ACSBG1: variants seen among roughly 807,000 people sequenced by gnomAD.
The protein encoded by ACSBG1 is acyl-CoA synthetase bubblegum family member 1.
Under a neutral mutation model 80.2 loss-of-function variants are expected in ACSBG1, and 39 were observed. The observed-to-expected ratio is 0.49, with a 90% CI of 0.38 to 0.64. The LOEUF (loss-of-function observed/expected upper bound fraction) is 0.64. Ranked by LOEUF, ACSBG1 falls within the 30% of genes least tolerant of loss-of-function variation. The probability of loss-of-function intolerance (pLI) is 0.00; values close to 1 mark genes in which losing one functional copy is unlikely to be tolerated. For synonymous variants in ACSBG1, 392 were observed against 379.5 expected (o/e 1.03, Z -0.38); for missense variants, 828 against 966.4 (o/e 0.86, Z 1.90).
intron 2 of ACSBG1, among the ~76,000 whole-genome samples, chr15:78,205,852 C>A (rs966284489): frequency 1.3e-5 from 2 of 152,188 alleles, no homozygotes; most frequent in African/African-American, 4.8e-5. Flanking sequence ...CCCTCCCAAT[C>A]TGTGCCAGCC....
At position 78,178,998 on chromosome 15, in the gene ACSBG1, G is replaced by A. The variant is rs2074913200; in HGVS notation, c.1485-167C>T. On this transcript the variant is annotated intron_variant, in intron 10 of 13. Coordinates refer to ENST00000258873, the MANE Select transcript of ACSBG1 (RefSeq NM_015162.5). This position sits in a 1 kb window ranked among gnomAD's most constrained non-coding sequence, Gnocchi z 4.3. ...ACTTACAGCTGAAAGGTAGAGCCAA[G>A]TAAAGGGTTTTAGGGAATGAAGGAA... 9.1e-6 allele frequency: 6 copies of A among 657,062 alleles called. No individual in the cohort carries two copies. Among genetic ancestry groups the A allele is most frequent in the Non-Finnish European group, 1.5e-5 (6 of 390,902 alleles). 40.7% of individuals were successfully genotyped at this position (657,062 alleles called of 1,614,324 possible). A position where few individuals can be genotyped will look rare whatever the true frequency, so the allele number is the denominator to read the frequency against.
At chr15:78,192,887 G>T (rs867474897) in intron 5 of ACSBG1, among the ~76,000 whole-genome samples, 29 of 152,286 alleles carry the variant, frequency 1.9e-4, no homozygotes, top group Middle Eastern at 3.4e-3. Context: ...GTTGGGTTCA[G>T]CTGGGACAGA....
At chr15:78,228,420 T>C (rs1201981318) in intron 1 of ACSBG1, among the ~76,000 whole-genome samples, 1 of 152,208 alleles carries the variant, frequency 6.6e-6, no homozygotes, top group Non-Finnish European at 1.5e-5. Flanking sequence ...TGGGTTGGAC[T>C]TAGTGACCTA....
At chr15:78,225,737 C>G (rs1374925149) in intron 1 of ACSBG1, among the ~76,000 whole-genome samples, 2 of 152,002 alleles carry the variant, frequency 1.3e-5, no homozygotes, top group Non-Finnish European at 2.9e-5. Context: ...TATTAGGAAT[C>G]TATTATTATG....
Position 78,179,672 on chromosome 15 carries a change from G to A in ACSBG1, c.1362C>T (p.Pro454=), listed in dbSNP as rs764920555. The change falls in exon 10 of 14, where the codon CCC becomes CCT. Residue 454 remains proline (P), a synonymous_variant. Coordinates refer to ENST00000258873, the MANE Select transcript of ACSBG1 (RefSeq NM_015162.5). Reference sequence around the variant, plus strand: ...AGAAGTGCTGTGTCTCTGCCATCATGGGGGCCGCTCCATAGAAGTTCTTTT... The same window carrying A: ...AGAAGTGCTGTGTCTCTGCCATCATAGGGGCCGCTCCATAGAAGTTCTTTT... ...KCQKNFYGAA[P]MMAETQHFFL... 1.2e-6 allele frequency: 2 copies of A among 1,614,172 alleles called. No homozygotes were observed. Among genetic ancestry groups the A allele is most frequent in the Non-Finnish European group, 1.7e-6 (2 of 1,179,986 alleles).
chr15:78,201,722 G>C (rs1274294704), intron 2 of ACSBG1, among the ~76,000 whole-genome samples: 2 of 152,242 alleles, frequency 1.3e-5, no homozygotes, highest in Non-Finnish European at 2.9e-5. Context: ...CTCTATAGAA[G>C]AAGAAGTCTC....
intron 1 of ACSBG1, among the ~76,000 whole-genome samples, chr15:78,220,079 T>C (rs2075348833): frequency 6.6e-6 from 1 of 152,224 alleles, no homozygotes; most frequent in Non-Finnish European, 1.5e-5. Context: ...ACTTCCTGAT[T>C]TCAAAACATT....
At chr15:78,232,119 C>A (rs1217084056) in intron 1 of ACSBG1, among the ~76,000 whole-genome samples, 2 of 152,172 alleles carry the variant, frequency 1.3e-5, no homozygotes, top group African/African-American at 2.4e-5. Flanking sequence ...AGTTACTATG[C>A]CTGTGATGGG....
At chr15:78,221,595 A>C (rs1231410173) in intron 1 of ACSBG1, among the ~76,000 whole-genome samples, 4 of 152,110 alleles carry the variant, frequency 2.6e-5, no homozygotes, top group African/African-American at 9.7e-5. Context: ...CTCTTTTACT[A>C]AACCTCCTCA....
At chr15:78,196,919 C>T (rs1360188240) in intron 2 of ACSBG1, among the ~76,000 whole-genome samples, 1 of 150,836 alleles carries the variant, frequency 6.6e-6, no homozygotes, top group East Asian at 1.9e-4. Flanking sequence ...AAAAAATTAG[C>T]AGGGCATGGT....
At position 78,194,700 on chromosome 15, in the gene ACSBG1, C is replaced by A; in HGVS notation, c.259G>T (p.Asp87Tyr). The change falls in exon 3 of 14, where the codon GAT becomes TAT. Residue 87 changes from aspartate to tyrosine, a missense_variant. Physicochemically the swap from Asp to Tyr is radical, Grantham distance 160. This residue lies in a region of ACSBG1 where 356 missense variants were observed against 363.5 expected (regional missense o/e 0.98). Transcript: ENST00000258873. ...TCTATGCGCAGGCGCACCCGCCCATCGGCCCGAGTCGTCCACAGCGCCTCC... is the reference window on the plus strand; with the variant it reads ...TCTATGCGCAGGCGCACCCGCCCATAGGCCCGAGTCGTCCACAGCGCCTCC... ...PEEALWTTRA[D>Y]GRVRLRIDPS... 6.2e-7 allele frequency: 1 copy of A among 1,613,112 alleles called. No individual in the cohort carries two copies. The highest frequency in any genetic ancestry group is 1.3e-5 in the African/African-American group (1 of 75,032).
intron 1 of ACSBG1, among the ~76,000 whole-genome samples, chr15:78,222,411 T>A (rs11631416): frequency 8.5e-4 from 129 of 152,288 alleles, no homozygotes; most frequent in Admixed American, 1.5e-3. Context: ...CGCCTGTAAT[T>A]CCAGCACTTT....
chr15:78,205,716 T>C (rs1399919979), intron 2 of ACSBG1, among the ~76,000 whole-genome samples: 1 of 152,222 alleles, frequency 6.6e-6, no homozygotes, highest in African/African-American at 2.4e-5. Context: ...GGCACAACTG[T>C]GTGAGGAAGG....
At chr15:78,182,684 C>T in intron 6 of ACSBG1, 21 bp downstream of exon 6, 1 of 1,614,076 alleles carries the variant, frequency 6.2e-7, no homozygotes, top group Non-Finnish European at 8.5e-7. Context: ...CACCTGGCGC[C>T]CAGGGCCCCA....
chr15:78,212,989 C>T (rs1439217941), intron 1 of ACSBG1, among the ~76,000 whole-genome samples: 1 of 152,202 alleles, frequency 6.6e-6, no homozygotes, highest in Non-Finnish European at 1.5e-5. Flanking sequence ...AGACTTCTGG[C>T]TACCATTCAC....
intron 1 of ACSBG1, among the ~76,000 whole-genome samples, chr15:78,221,139 AG>A (rs1323847739): frequency 6.6e-6 from 1 of 152,164 alleles, no homozygotes; most frequent in Non-Finnish European, 1.5e-5. Flanking sequence ...ACAGAGACAA[AG>A]ATATAGAGAA....
At chr15:78,175,823 A>T (rs934435588) in intron 11 of ACSBG1, among the ~76,000 whole-genome samples, 4 of 152,182 alleles carry the variant, frequency 2.6e-5, no homozygotes, top group African/African-American at 9.7e-5. Flanking sequence ...TCAGGTGAAG[A>T]GGAGAAGACA....
chr15:78,199,543 T>G (rs1027220949), intron 2 of ACSBG1, among the ~76,000 whole-genome samples: 1 of 151,996 alleles, frequency 6.6e-6, no homozygotes, highest in African/African-American at 2.4e-5. Flanking sequence ...AGATCTTATC[T>G]CTACAAAAAT....
chr15:78,217,790 C>T (rs958342499), intron 1 of ACSBG1, among the ~76,000 whole-genome samples: 23 of 152,094 alleles, frequency 1.5e-4, no homozygotes, highest in African/African-American at 5.6e-4. Flanking sequence ...TGGTCTCGTA[C>T]TCCTGACCTC....
Sources: gnomAD v4.1 joint callset for allele counts (sites outside exome capture counted in the v4.1 genomes callset) on GRCh38, gnomAD v4.1.1 for gene constraint, gnomAD v4.1.1 regional missense constraint, Gnocchi (gnomAD v3.1) non-coding constraint, MANE v1.5 for transcripts, NCBI Gene and HGNC (gene_info 2026-07-23, HGNC 2026-07-21) for gene names.